RBFOX1: variants seen among roughly 807,000 people sequenced by gnomAD.
The protein encoded by RBFOX1 is RNA binding fox-1 homolog 1.
RBFOX1 carries 8 observed loss-of-function variants against 57.7 expected under a neutral mutation model. That is an observed-to-expected ratio of 0.14 (90% CI 0.08 to 0.25). RBFOX1 has a LOEUF of 0.25. RBFOX1 is among the 10% of genes least tolerant of loss of function. The pLI is 1.00. For synonymous variants in RBFOX1, 326 were observed against 222.4 expected (o/e 1.47, Z -4.15); for missense variants, 611 against 548.5 (o/e 1.11, Z -1.14).
intron 1 of RBFOX1, among the ~76,000 whole-genome samples, chr16:6,240,971 C>G (rs2097537143): frequency 6.6e-6 from 1 of 152,198 alleles, no homozygotes; most frequent in African/African-American, 2.4e-5. Flanking sequence ...TGTTTTTCCC[C>G]TTTACCGTAG....
At chr16:5,642,529 A>C (rs2048914054) in intron 3 of RBFOX1, among the ~76,000 whole-genome samples, 1 of 152,212 alleles carries the variant, frequency 6.6e-6, no homozygotes, top group Non-Finnish European at 1.5e-5. Flanking sequence ...CTGGGATTGA[A>C]ATGAAAATTT....
Position 6,127,880 on chromosome 16 carries a change from G to A in RBFOX1, c.-127+107888G>A, listed in dbSNP as rs574491256. ...TTTGTTGGAGAAAAGGGAAGTTTTT[G>A]ACCTGAGCATTTTCTCACTTCAGAG... On this transcript the variant is annotated intron_variant, in intron 1 of 15. Coordinates refer to ENST00000550418, the MANE Select transcript of RBFOX1 (RefSeq NM_018723.4). Among the ~76,000 whole-genome samples the A allele has an allele frequency of 6.6e-5, 10 of 152,162 alleles. No individual in the cohort carries two copies. In the South Asian group the frequency reaches 2.1e-3, roughly 32 times the overall value.
At chr16:5,995,400 A>C (rs899048297) in intron 4 of RBFOX1, among the ~76,000 whole-genome samples, 1 of 152,194 alleles carries the variant, frequency 6.6e-6, no homozygotes, top group African/African-American at 2.4e-5. Context: ...CATGAATTTT[A>C]GAGTCCTACC....
chr16:5,538,468 A>G (rs2044791927), intron 2 of RBFOX1, among the ~76,000 whole-genome samples: 1 of 152,192 alleles, frequency 6.6e-6, no homozygotes, highest in Non-Finnish European at 1.5e-5. Flanking sequence ...GAGGAGGATT[A>G]CATGTTTCAA....
intron 4 of RBFOX1, among the ~76,000 whole-genome samples, chr16:7,375,183 A>G (rs940163440): frequency 3.9e-5 from 6 of 152,238 alleles, no homozygotes; most frequent in African/African-American, 1.4e-4. Flanking sequence ...CTACCCTATG[A>G]TAAAGATTCT....
chr16:6,266,095 C>T (rs1193877574), intron 1 of RBFOX1, among the ~76,000 whole-genome samples: 1 of 152,128 alleles, frequency 6.6e-6, no homozygotes, highest in African/African-American at 2.4e-5. Context: ...TGAGATGTGT[C>T]ACTTCTGGGC....
chr16:5,701,230 T>C (rs1421839105), intron 3 of RBFOX1, among the ~76,000 whole-genome samples: 1 of 152,256 alleles, frequency 6.6e-6, no homozygotes. Flanking sequence ...CTGTTTCAGC[T>C]TTGGAGACTG....
chr16:7,431,126 G>A (rs2098675485), intron 4 of RBFOX1: 3 of 152,114 alleles, frequency 2.0e-5, no homozygotes, highest in Non-Finnish European at 1.5e-5. Context: ...ATTATCTACT[G>A]TGTGCCATGC....
intron 4 of RBFOX1, among the ~76,000 whole-genome samples, chr16:7,517,137 CCGTGTGTGTG>C (rs1784626470): frequency 1.1e-5 from 1 of 93,752 alleles, no homozygotes; most frequent in South Asian, 4.6e-4. Context: ...ATTTCTTATG[CCGTGTGTGTG>C]TGTGTGTGTG....
chr16:7,179,008 A>G (rs2082186945), intron 4 of RBFOX1, among the ~76,000 whole-genome samples: 1 of 152,200 alleles, frequency 6.6e-6, no homozygotes, highest in Non-Finnish European at 1.5e-5. Context: ...TGATAAACTA[A>G]TAAAGCTGCA....
chr16:7,496,867 T>C (rs912023899), intron 4 of RBFOX1, among the ~76,000 whole-genome samples: 1 of 152,166 alleles, frequency 6.6e-6, no homozygotes. Context: ...TATTTTGCAC[T>C]AGACACAGAA....
At chr16:6,809,680 C>T (rs1298073158) in intron 3 of RBFOX1, among the ~76,000 whole-genome samples, 2 of 152,126 alleles carry the variant, frequency 1.3e-5, no homozygotes, top group Non-Finnish European at 2.9e-5. Context: ...AGGTGAGATA[C>T]GTAGAGCTGC....
chr16:7,008,476 G>T (rs2093427848), intron 3 of RBFOX1, among the ~76,000 whole-genome samples: 1 of 151,934 alleles, frequency 6.6e-6, no homozygotes, highest in South Asian at 2.1e-4. Flanking sequence ...GGAAGCAAAG[G>T]TTGCAGTGAT....
chr16:7,277,499 A>G (rs777547759), intron 4 of RBFOX1, among the ~76,000 whole-genome samples: 2 of 152,200 alleles, frequency 1.3e-5, no homozygotes, highest in Non-Finnish European at 2.9e-5. Context: ...TGAAGCCACA[A>G]TTGTTAGTGT....
At position 6,939,840 on chromosome 16, in the gene RBFOX1, A is replaced by G. The variant is rs142376365; in HGVS notation, c.-15-112217A>G. Among the ~76,000 whole-genome samples, 55 of 152,300 alleles carry G rather than the reference A, an allele frequency of 3.6e-4. No homozygotes were observed. In the East Asian group the frequency reaches 0.01, roughly 29 times the overall value. ...ATTTTTCACTAAGAGGGTATCATAT[A>G]GCTGGTGGAAGATACATGTCAAGGC... is the stretch of plus-strand genomic sequence containing the variant. On this transcript the variant is annotated intron_variant, in intron 3 of 15. Coordinates refer to ENST00000550418, the MANE Select transcript of RBFOX1 (RefSeq NM_018723.4).
chr16:5,998,017 G>A (rs1016763535), intron 4 of RBFOX1, among the ~76,000 whole-genome samples: 2 of 152,168 alleles, frequency 1.3e-5, no homozygotes, highest in African/African-American at 4.8e-5. Context: ...CACTTCAGTT[G>A]GTGCCTCACC....
chr16:5,390,919 G>A (rs1567436971), intron 1 of RBFOX1, among the ~76,000 whole-genome samples: 1 of 152,202 alleles, frequency 6.6e-6, no homozygotes, highest in East Asian at 1.9e-4. Flanking sequence ...GGAGAGGGAA[G>A]ACTAGATGCC....
intron 2 of RBFOX1, among the ~76,000 whole-genome samples, chr16:6,350,486 A>C (rs1369023351): frequency 2.6e-4 from 29 of 111,682 alleles, no homozygotes; most frequent in Middle Eastern, 5.3e-3. Flanking sequence ...AAAAAAAAAA[A>C]AAAAAAAAAA....
chr16:7,630,089 T>A lies in RBFOX1; in HGVS notation c.677-514T>A, dbSNP rs117542723. Among the ~76,000 whole-genome samples the A allele has an allele frequency of 6.1e-3, 934 of 152,208 alleles. 5 individuals are homozygous for A. Among genetic ancestry groups the A allele is most frequent in the South Asian group, 0.018 (88 of 4,794 alleles). ...ATCAACATGTATGCTTACTATTGAT[T>A]GAGTGATTATTACATGCCAGCCCCT... is the stretch of plus-strand genomic sequence containing the variant. On this transcript the variant is annotated intron_variant, in intron 10 of 15. Coordinates refer to ENST00000550418, the MANE Select transcript of RBFOX1 (RefSeq NM_018723.4).
Sources: gnomAD v4.1 joint callset for allele counts (sites outside exome capture counted in the v4.1 genomes callset) on GRCh38, gnomAD v4.1.1 for gene constraint, MANE v1.5 for transcripts, NCBI Gene and HGNC (gene_info 2026-07-23, HGNC 2026-07-21) for gene names.